The following KCNIP4 variants were observed in gnomAD, a reference collection of about 807,000 sequenced individuals.
KCNIP4 encodes potassium voltage-gated channel interacting protein 4, also known as Kv channel-interacting protein 4.
Under a neutral mutation model 34.0 loss-of-function variants are expected in KCNIP4, and 12 were observed. That is an observed-to-expected ratio of 0.35 (90% CI 0.23 to 0.57). The LOEUF is 0.57. KCNIP4 is among the 20% of genes least tolerant of loss of function. The pLI, the probability that KCNIP4 is intolerant of heterozygous loss-of-function variation, is 0.83. For synonymous variants in KCNIP4, 124 were observed against 102.2 expected (o/e 1.21, Z -1.29); for missense variants, 238 against 311.7 (o/e 0.76, Z 1.78).
Position 21,542,324 on chromosome 4 carries a change from C to CTAA in KCNIP4, c.61+406244_61+406246dup, listed in dbSNP as rs1737776750. Among the ~76,000 whole-genome samples, 2 of 151,944 alleles carry CTAA rather than the reference C, an allele frequency of 1.3e-5. 1 individual carries two copies. Among genetic ancestry groups the CTAA allele is most frequent in the South Asian group, 4.2e-4 (2 of 4,818 alleles). ...CTGCTCATTTCAAAGTCAGTTAAGC[C>CTAA]TAATAACTTAGAGTCAAAAATATTT... On this transcript the variant is annotated intron_variant, in intron 1 of 8. Coordinates refer to ENST00000382152, the MANE Select transcript of KCNIP4 (RefSeq NM_025221.6).
chr4:21,314,906 G>C (rs1334096750), intron 1 of KCNIP4, among the ~76,000 whole-genome samples: 2 of 152,134 alleles, frequency 1.3e-5, no homozygotes, highest in East Asian at 3.9e-4. Flanking sequence ...GATTCTTCTT[G>C]TATTTATAGT....
intron 1 of KCNIP4, among the ~76,000 whole-genome samples, chr4:21,553,483 G>A (rs1187397225): frequency 6.6e-6 from 1 of 152,110 alleles, no homozygotes; most frequent in Non-Finnish European, 1.5e-5. Flanking sequence ...TGGAGACTGA[G>A]ATGGGCCTCA....
At chr4:21,375,788 T>G (rs1025968363) in intron 1 of KCNIP4, among the ~76,000 whole-genome samples, 1 of 152,022 alleles carries the variant, frequency 6.6e-6, no homozygotes, top group Non-Finnish European at 1.5e-5. Context: ...AGGATGGTCT[T>G]GATCTCCTGA....
chr4:21,072,703 A>G lies in KCNIP4; in HGVS notation c.62-189994T>C, dbSNP rs181678817. ...TGTTGCCATTGCTTTTCGTGTTTTA[A>G]ACATGAAGTCCTTGCCCATGCCTAT... is the stretch of plus-strand genomic sequence containing the variant. On this transcript the variant is annotated intron_variant, in intron 1 of 8. Transcript: ENST00000382152. 2.6e-3 allele frequency among the ~76,000 whole-genome samples: 394 copies of G among 151,994 alleles called. 1 individual carries two copies. Among genetic ancestry groups the G allele is most frequent in the African/African-American group, 9.1e-3 (379 of 41,480 alleles).
intron 2 of KCNIP4, among the ~76,000 whole-genome samples, chr4:20,875,742 G>T (rs1308921727): frequency 6.6e-6 from 1 of 152,022 alleles, no homozygotes; most frequent in Non-Finnish European, 1.5e-5. Flanking sequence ...AATCCTGGAG[G>T]TTACTGTTGT....
intron 1 of KCNIP4, among the ~76,000 whole-genome samples, chr4:20,954,672 C>T (rs75756895): frequency 0.01 from 1,576 of 152,286 alleles, 35 homozygotes; most frequent in African/African-American, 0.036. Context: ...CATGCCCATA[C>T]TTCTGGCAGA....
intron 1 of KCNIP4, among the ~76,000 whole-genome samples, chr4:21,774,896 C>CT (rs1346742674): frequency 2.0e-5 from 3 of 152,094 alleles, no homozygotes; most frequent in African/African-American, 7.2e-5. Flanking sequence ...GAACATGCTC[C>CT]TTTAGTTCAG....
At chr4:21,302,657 TTTAAAA>T (rs1711872789) in intron 1 of KCNIP4, among the ~76,000 whole-genome samples, 1 of 152,144 alleles carries the variant, frequency 6.6e-6, no homozygotes, top group Non-Finnish European at 1.5e-5. Context: ...TGCAACTTAT[TTTAAAA>T]TTAAATAAAC....
chr4:21,389,953 T>C (rs2109509977), intron 1 of KCNIP4, among the ~76,000 whole-genome samples: 1 of 149,248 alleles, frequency 6.7e-6, no homozygotes, highest in South Asian at 2.2e-4. Context: ...CCACATCCTC[T>C]CCAGCACCTG....
At chr4:21,410,879 G>T (rs1014261610) in intron 1 of KCNIP4, among the ~76,000 whole-genome samples, 4 of 152,114 alleles carry the variant, frequency 2.6e-5, no homozygotes, top group African/African-American at 9.7e-5. Flanking sequence ...TGGGATGAGG[G>T]TACTATCTTG....
In KCNIP4 at chr4:21,916,422, T is replaced by C. The variant is rs773207770; in HGVS notation, c.61+32149A>G. On this transcript the variant is annotated intron_variant, in intron 1 of 8. Coordinates refer to ENST00000382152, the MANE Select transcript of KCNIP4 (RefSeq NM_025221.6). ...GTCATAAGCAATCTCAGACTATTCT[T>C]CACTTTAAAAACTTTATTCAGAAGC... Among the ~76,000 whole-genome samples, 65 of 152,302 alleles carry C rather than the reference T, an allele frequency of 4.3e-4. 1 individual carries two copies. The highest frequency in any genetic ancestry group is 2.0e-3 in the Admixed American group (30 of 15,292).
In KCNIP4 at chr4:21,400,728, A is replaced by C. The variant is rs144954029; in HGVS notation, c.62-518019T>G. 4.4e-3 allele frequency among the ~76,000 whole-genome samples: 665 copies of C among 152,252 alleles called. 6 individuals carry two copies. Among genetic ancestry groups the C allele is most frequent in the African/African-American group, 0.015 (629 of 41,522 alleles). ...TTAGGGCTCATGAATATATAATTAA[A>C]ATTCTATAAGGGTTGCATTCAGCAA... is the stretch of plus-strand genomic sequence containing the variant. On this transcript the variant is annotated intron_variant, in intron 1 of 8. Coordinates refer to ENST00000382152, the MANE Select transcript of KCNIP4 (RefSeq NM_025221.6).
intron 1 of KCNIP4, among the ~76,000 whole-genome samples, chr4:21,465,587 T>C (rs547758436): frequency 1.3e-5 from 2 of 152,296 alleles, no homozygotes; most frequent in South Asian, 4.1e-4. Context: ...CATACATATC[T>C]GACTATAAAA....
At chr4:21,280,905 T>A (rs541912587) in intron 1 of KCNIP4, among the ~76,000 whole-genome samples, 2 of 152,100 alleles carry the variant, frequency 1.3e-5, no homozygotes. Flanking sequence ...CAAGTGTGAG[T>A]TGGAGATGTG....
chr4:20,768,307 A>G (rs1272169989), intron 3 of KCNIP4, among the ~76,000 whole-genome samples: 1 of 152,206 alleles, frequency 6.6e-6, no homozygotes, highest in Non-Finnish European at 1.5e-5. Context: ...AGAACTCCTA[A>G]GACCAAGACC....
At chr4:20,936,265 C>T (rs149377930) in intron 1 of KCNIP4, among the ~76,000 whole-genome samples, 1 of 152,160 alleles carries the variant, frequency 6.6e-6, no homozygotes, top group Non-Finnish European at 1.5e-5. Context: ...GATTAAAGAA[C>T]TGCAGTTTCC....
intron 1 of KCNIP4, 87 bp downstream of exon 1, chr4:21,948,484 G>T: frequency 7.0e-7 from 1 of 1,427,470 alleles, no homozygotes; most frequent in Non-Finnish European, 9.6e-7. Context: ...AGCGTCCCCA[G>T]CCGAGGAAGG....
chr4:20,870,853 A>G (rs1723379331), intron 2 of KCNIP4, among the ~76,000 whole-genome samples: 1 of 152,066 alleles, frequency 6.6e-6, no homozygotes, highest in Non-Finnish European at 1.5e-5. Context: ...TCCCCACTAA[A>G]TGAACTTGCC....
At chr4:20,822,137 A>G (rs1003715269) in intron 3 of KCNIP4, among the ~76,000 whole-genome samples, 14 of 152,192 alleles carry the variant, frequency 9.2e-5, no homozygotes, top group African/African-American at 3.4e-4. Context: ...AAACCCACAG[A>G]GTGGGAGAAA....
Sources: allele counts gnomAD v4.1 joint callset (sites outside exome capture counted in the v4.1 genomes callset), GRCh38; gene constraint gnomAD v4.1.1; transcripts MANE v1.5; gene names NCBI Gene and HGNC (gene_info 2026-07-23, HGNC 2026-07-21).